The following MYO19 variants were observed in gnomAD, a reference collection of about 807,000 sequenced individuals.
The protein encoded by MYO19 is unconventional myosin-XIX.
Under a neutral mutation model 129.2 loss-of-function variants are expected in MYO19, and 132 were observed. That is an observed-to-expected ratio of 1.02 (90% CI 0.89 to 1.18). The LOEUF (loss-of-function observed/expected upper bound fraction) is 1.18, where lower values mean the gene tolerates loss of function less well. Ranked by LOEUF, MYO19 falls within the 50% of genes most tolerant of loss-of-function variation. The pLI, the probability that MYO19 is intolerant of heterozygous loss-of-function variation, is 0.00. For missense variants in MYO19, 1,210 were observed against 1,216.7 expected (o/e 0.99, Z 0.08); for synonymous variants, 531 against 477.2 (o/e 1.11, Z -1.47).
intron 25 of MYO19, chr17:36,497,587 A>G (rs948247925): frequency 2.0e-6 from 2 of 979,574 alleles, no homozygotes; most frequent in Non-Finnish European, 2.4e-6. Flanking sequence ...CCCTAAACCA[A>G]ACTTTTTTTT....
chr17:36,514,719 G>A (rs2072620403), intron 8 of MYO19, among the ~76,000 whole-genome samples, 171 bp from the exon 9 acceptor site: 1 of 152,230 alleles, frequency 6.6e-6, no homozygotes, highest in African/African-American at 2.4e-5. Context: ...TGGGTGTCCT[G>A]GAATATTCCC....
intron 2 of MYO19, 122 bp from the exon 3 acceptor site, chr17:36,532,803 G>A (rs773603707): frequency 1.6e-5 from 9 of 574,624 alleles, no homozygotes; most frequent in Admixed American, 9.2e-5. Flanking sequence ...CCTGGGCGGA[G>A]AGTGGGCCTG....
intron 3 of MYO19, among the ~76,000 whole-genome samples, chr17:36,529,680 T>C (rs1310793824): frequency 6.6e-6 from 1 of 152,046 alleles, no homozygotes; most frequent in Non-Finnish European, 1.5e-5. Flanking sequence ...CAGCTATATC[T>C]ATGCATATCC....
chr17:36,515,208 C>T, intron 7 of MYO19, 26 bp from the exon 8 acceptor site: 1 of 1,605,546 alleles, frequency 6.2e-7, no homozygotes, highest in South Asian at 1.1e-5. Flanking sequence ...ATGTTTATTT[C>T]ACTCCCCTGG....
intron 2 of MYO19, among the ~76,000 whole-genome samples, 157 bp from the exon 3 acceptor site, chr17:36,532,838 C>G (rs981975388): frequency 6.6e-6 from 1 of 152,092 alleles, no homozygotes; most frequent in Non-Finnish European, 1.5e-5. Context: ...AATTAGGAGA[C>G]AGGGAAACTT....
intron 14 of MYO19, chr17:36,508,390 C>G (rs1255702646): frequency 6.4e-6 from 1 of 156,598 alleles, no homozygotes; most frequent in African/African-American, 2.4e-5. Flanking sequence ...AACTGACTGT[C>G]CCACCTAGTT....
Position 36,495,644 on chromosome 17 carries a change from A to T in MYO19, c.*607T>A. 1 of 1,290,028 alleles carries T rather than the reference A, an allele frequency of 7.8e-7. No individual in the cohort carries two copies. Among genetic ancestry groups the T allele is most frequent in the Non-Finnish European group, 9.8e-7 (1 of 1,022,330 alleles). 79.9% of individuals were successfully genotyped at this position (1,290,028 alleles called of 1,614,324 possible). Reference sequence around the variant, plus strand: ...ACTTGACATTCAGATGATTGTTTTTAAATGTTTTACTTTTGGTACAGTTGA... The same window carrying T: ...ACTTGACATTCAGATGATTGTTTTTTAATGTTTTACTTTTGGTACAGTTGA... On this transcript the variant is annotated 3_prime_UTR_variant, in exon 26 of 26. Transcript: ENST00000614623.
intron 23 of MYO19, chr17:36,499,876 TGAGA>T (rs2071385514): frequency 6.6e-6 from 1 of 150,512 alleles, no homozygotes. Context: ...TTTTTTTTTT[TGAGA>T]CAGAGTCTTG....
At chr17:36,533,704 CACTG>C (rs1412918478) in intron 2 of MYO19, 3 of 152,248 alleles carry the variant, frequency 2.0e-5, no homozygotes, top group Non-Finnish European at 2.9e-5. Flanking sequence ...TGACCCTGGA[CACTG>C]ACTGTACCCC....
At chr17:36,528,237 A>G (rs780363235) in intron 3 of MYO19, 35 bp from the exon 4 acceptor site, 63 of 1,546,258 alleles carry the variant, frequency 4.1e-5, no homozygotes, top group Non-Finnish European at 5.2e-5. Flanking sequence ...GGCCAGGCAC[A>G]GTGGCTCATG....
At chr17:36,521,324 A>G (rs769324101) in intron 6 of MYO19, among the ~76,000 whole-genome samples, 1 of 152,238 alleles carries the variant, frequency 6.6e-6, no homozygotes, top group Non-Finnish European at 1.5e-5. Flanking sequence ...TTTACGTGAA[A>G]TGACAAATAT....
chr17:36,537,313 C>CT (rs2074154987), upstream of MYO19: 1 of 1,613,906 alleles, frequency 6.2e-7, no homozygotes, highest in Non-Finnish European at 8.5e-7. Flanking sequence ...ATGGTAGCCA[C>CT]TTTGACCATT....
At position 36,528,206 on chromosome 17, in the gene MYO19, G is replaced by T; in HGVS notation, c.13-4C>A. ...ACCCCGGATTGTGGCCATTGACCTGGAAGAGATAACGTGAAGGTGAGGCCA... is the reference window on the plus strand; with the variant it reads ...ACCCCGGATTGTGGCCATTGACCTGTAAGAGATAACGTGAAGGTGAGGCCA... On this transcript the variant is annotated splice_region_variant and splice_polypyrimidine_tract_variant and intron_variant, in intron 3 of 25. Transcript: ENST00000614623. The T allele has an allele frequency of 1.9e-6, 3 of 1,568,870 alleles. No homozygotes were observed. The highest frequency in any genetic ancestry group is 1.7e-6 in the Non-Finnish European group (2 of 1,156,310).
intron 2 of MYO19, among the ~76,000 whole-genome samples, chr17:36,540,523 A>G (rs1255728212): frequency 6.6e-6 from 1 of 152,048 alleles, no homozygotes; most frequent in Non-Finnish European, 1.5e-5. Context: ...GGCACACGCC[A>G]CTTCGCCTGG....
intron 3 of MYO19, 91 bp from the exon 4 acceptor site, chr17:36,528,293 A>T: frequency 7.3e-7 from 1 of 1,369,738 alleles, no homozygotes; most frequent in Non-Finnish European, 1.0e-6. Context: ...CAGGACACAA[A>T]GTGAGGAGAT....
At chr17:36,533,208 G>C (rs924480190) in intron 2 of MYO19, 7 of 152,822 alleles carry the variant, frequency 4.6e-5, no homozygotes, top group African/African-American at 1.7e-4. Context: ...TGGTTGTGAA[G>C]GTCAATGAGG....
intron 13 of MYO19, chr17:36,509,701 G>A (rs2072182438): frequency 6.5e-6 from 1 of 152,922 alleles, no homozygotes; most frequent in Non-Finnish European, 1.5e-5. Flanking sequence ...ACTATACAGG[G>A]GTTTCTTCCT....
At chr17:36,542,804 CT>C (rs1189209850) in intron 1 of MYO19, among the ~76,000 whole-genome samples, 2 of 151,984 alleles carry the variant, frequency 1.3e-5, no homozygotes, top group Non-Finnish European at 2.9e-5. Context: ...CAACTTCCGC[CT>C]TCCCGGTTCA....
chr17:36,504,663 A>C (rs972786895), intron 19 of MYO19: 2 of 161,432 alleles, frequency 1.2e-5, no homozygotes, highest in African/African-American at 4.8e-5. Context: ...CTGTAATCCC[A>C]GCACTTTGGG....
Sources: allele counts gnomAD v4.1 joint callset (sites outside exome capture counted in the v4.1 genomes callset), GRCh38; gene constraint gnomAD v4.1.1; transcripts MANE v1.5; gene names NCBI Gene and HGNC (gene_info 2026-07-23, HGNC 2026-07-21).